The following A3GALT2 variants were observed in gnomAD, a reference collection of about 807,000 sequenced individuals.
A3GALT2 encodes the protein alpha-1,3-galactosyltransferase 2.
Under a neutral mutation model 16.6 loss-of-function variants are expected in A3GALT2, and 14 were observed. The observed-to-expected ratio is 0.84, with a 90% confidence interval of 0.56 to 1.32. A3GALT2 has a LOEUF of 1.32. Among genes scored for constraint, A3GALT2 ranks in the 40% most tolerant of loss-of-function variants. The pLI is 0.00. For missense variants in A3GALT2, 600 were observed against 490.9 expected (o/e 1.22, Z -2.10); for synonymous variants, 253 against 218.0 (o/e 1.16, Z -1.42).
chr1:33,312,798 G>A lies in A3GALT2; in HGVS notation c.107+9C>T. The A allele has an allele frequency of 1.9e-6, 3 of 1,593,576 alleles. No individual in the cohort carries two copies. Among genetic ancestry groups the A allele is most frequent in the Non-Finnish European group, 2.6e-6 (3 of 1,169,462 alleles). ...TCCTACCTCAAGTGCTGGGGAAAGG[G>A]GCTTTTACCTGAATTTAGGGAGGCC... On this transcript the variant is annotated intron_variant, in intron 2 of 4. Transcript: ENST00000442999.
intron 1 of A3GALT2, chr1:33,313,339 ATTTTTT>A (rs373102950): frequency 1.5e-5 from 2 of 129,838 alleles, no homozygotes; most frequent in Admixed American, 7.8e-5. Flanking sequence ...CTAATTTTGT[ATTTTTT>A]TTTTTTTTTT....
In A3GALT2 at chr1:33,320,541, CT is replaced by C. The variant is rs1328963121; in HGVS notation, c.23+534del. ...GGGAGCCCGTGGTCTGTGGAGGCCC[CT>C]GATCAGTCCACTCCTCCACATTTCT... On this transcript the variant is annotated intron_variant, in intron 1 of 4. Coordinates refer to ENST00000442999, the MANE Select transcript of A3GALT2 (RefSeq NM_001080438.1). This position sits in a 1 kb window ranked among gnomAD's most constrained non-coding sequence, Gnocchi z 4.3. Among the ~76,000 whole-genome samples, 5 of 151,994 alleles carry C rather than the reference CT, an allele frequency of 3.3e-5. No individual in the cohort carries two copies. Among genetic ancestry groups the C allele is most frequent in the African/African-American group, 1.2e-4 (5 of 41,440 alleles).
At chr1:33,312,023 A>G in intron 4 of A3GALT2, 29 bp downstream of exon 4, 1 of 1,612,722 alleles carries the variant, frequency 6.2e-7, no homozygotes, top group South Asian at 1.1e-5. Flanking sequence ...CACAGCTTTG[A>G]CAGCACTGCT....
At chr1:33,309,464 T>C (rs1290132921) in intron 4 of A3GALT2, among the ~76,000 whole-genome samples, 2 of 148,578 alleles carry the variant, frequency 1.3e-5, no homozygotes, top group South Asian at 2.1e-4. Flanking sequence ...CCCTCCCGGA[T>C]GGGGCGGCTG....
chr1:33,310,593 A>G (rs943659633), intron 4 of A3GALT2, among the ~76,000 whole-genome samples: 1 of 152,224 alleles, frequency 6.6e-6, no homozygotes, highest in Admixed American at 6.5e-5. Flanking sequence ...AAAGAGCGTT[A>G]GAAACTTGTA....
intron 4 of A3GALT2, among the ~76,000 whole-genome samples, chr1:33,310,304 A>G (rs1158388798): frequency 4.0e-5 from 6 of 151,804 alleles, no homozygotes; most frequent in African/African-American, 1.5e-4. Flanking sequence ...AGAGAGAGGG[A>G]GAGGGAGAGG....
At position 33,312,049 on chromosome 1, in the gene A3GALT2, T is replaced by A. The variant is rs754276983; in HGVS notation, c.335+3A>T. 1.2e-6 allele frequency: 2 copies of A among 1,613,466 alleles called. No homozygotes were observed. Among genetic ancestry groups the A allele is most frequent in the Non-Finnish European group, 1.7e-6 (2 of 1,179,766 alleles). ...CAGCACTGCTCCCCTTCCCAGGCCT[T>A]ACCTGCCTACAGCAAAGATAGTCAG... On this transcript the variant is annotated splice_donor_region_variant and intron_variant, in intron 4 of 4. Transcript: ENST00000442999.
intron 1 of A3GALT2, among the ~76,000 whole-genome samples, chr1:33,318,579 C>T (rs1397627067): frequency 1.3e-5 from 2 of 152,154 alleles, no homozygotes; most frequent in African/African-American, 4.8e-5. Context: ...ATTCCTATAA[C>T]AGCCTCCTGA....
intron 4 of A3GALT2, among the ~76,000 whole-genome samples, chr1:33,310,169 G>A (rs561974855): frequency 2.4e-4 from 37 of 152,340 alleles, no homozygotes; most frequent in African/African-American, 8.7e-4. Context: ...CAGGCATGGC[G>A]GCGCGCGCCT....
intron 4 of A3GALT2, among the ~76,000 whole-genome samples, chr1:33,310,360 A>G (rs569141440): frequency 1.3e-5 from 2 of 151,012 alleles, no homozygotes; most frequent in East Asian, 2.0e-4. Flanking sequence ...CAGGGAGAGG[A>G]AGACCGGGGA....
chr1:33,307,483 G>C (rs778675997), intron 4 of A3GALT2, 30 bp from the exon 5 acceptor site: 7 of 1,440,806 alleles, frequency 4.9e-6, no homozygotes, highest in Non-Finnish European at 6.4e-6. Context: ...GTCAGCCTGA[G>C]AGTGAAGCGA....
intron 2 of A3GALT2, 69 bp downstream of exon 2, chr1:33,312,738 G>A (rs1646240727): frequency 4.0e-6 from 6 of 1,483,636 alleles, no homozygotes; most frequent in Non-Finnish European, 5.6e-6. Context: ...CCTCAAGGAG[G>A]CACTTAGACA....
chr1:33,312,729 C>T, intron 2 of A3GALT2, 78 bp downstream of exon 2: 1 of 1,477,438 alleles, frequency 6.8e-7, no homozygotes, highest in Non-Finnish European at 9.3e-7. Context: ...CCCTCCATCC[C>T]TCAAGGAGGC....
At chr1:33,311,989 C>A in intron 4 of A3GALT2, 63 bp downstream of exon 4, 2 of 1,600,280 alleles carry the variant, frequency 1.2e-6, no homozygotes, top group Admixed American at 1.7e-5. Context: ...CCGCCTCCTT[C>A]ATCACATGCA....
chr1:33,311,526 A>G (rs1036634232), intron 4 of A3GALT2, among the ~76,000 whole-genome samples: 2 of 151,410 alleles, frequency 1.3e-5, no homozygotes, highest in African/African-American at 4.9e-5. Flanking sequence ...TCCTCTCTTC[A>G]CTTCCCTCTG....
chr1:33,311,846 G>A (rs1423219397), intron 4 of A3GALT2, among the ~76,000 whole-genome samples: 3 of 152,192 alleles, frequency 2.0e-5, no homozygotes, highest in East Asian at 1.9e-4. Flanking sequence ...TGTGTTGGGC[G>A]GGCTCTATGG....
intron 1 of A3GALT2, among the ~76,000 whole-genome samples, chr1:33,317,550 C>T (rs1487333475): frequency 2.0e-5 from 3 of 152,216 alleles, no homozygotes; most frequent in Non-Finnish European, 4.4e-5. Context: ...AGCTCCTCCA[C>T]TGTAACACTG....
chr1:33,307,362 G>A lies in A3GALT2; in HGVS notation c.427C>T (p.Leu143Phe). The A allele has an allele frequency of 6.4e-7, 1 of 1,551,924 alleles. No individual in the cohort carries two copies. The highest frequency in any genetic ancestry group is 1.2e-5 in the South Asian group (1 of 86,856). Residue 143 changes from leucine (L) to phenylalanine (F), a missense_variant, in exon 5 of 5, where the codon CTT (leucine) becomes TTT (phenylalanine). By Grantham distance (22) the Leu-to-Phe change is conservative. Coordinates refer to ENST00000442999, the MANE Select transcript of A3GALT2 (RefSeq NM_001080438.1). ...QSVMYYVFTELPGAVPRVALG... is the reference protein window; with the variant it reads ...QSVMYYVFTEFPGAVPRVALG... ...GCCACGCGGGGCACCGCTCCCGGAA[G>A]CTCGGTGAACACGTAGTACATCACG... is the stretch of plus-strand genomic sequence containing the variant.
At chr1:33,317,188 T>C (rs897908352) in intron 1 of A3GALT2, among the ~76,000 whole-genome samples, 1 of 151,870 alleles carries the variant, frequency 6.6e-6, no homozygotes, top group African/African-American at 2.4e-5. Flanking sequence ...GACTGGCAAA[T>C]AAACGTGTTA....
Sources: allele counts gnomAD v4.1 joint callset (sites outside exome capture counted in the v4.1 genomes callset), GRCh38; gene constraint gnomAD v4.1.1; non-coding constraint Gnocchi (gnomAD v3.1); transcripts MANE v1.5; gene names NCBI Gene and HGNC (gene_info 2026-07-23, HGNC 2026-07-21).